Variants in CPAP observed in about 807,000 individuals in gnomAD.
The protein encoded by CPAP is centrosome assembly and centriole elongation protein, also known as centrosomal P4.1-associated protein.
chr13:24,913,118 G>T, the CPAP span: 2 of 1,114,196 alleles, frequency 1.8e-6, no homozygotes, highest in Non-Finnish European at 2.7e-6. Flanking sequence ...CCAACAAAAT[G>T]TATTAGGTAA....
chr13:24,921,835 C>A, the CPAP span, among the ~76,000 whole-genome samples: 1 of 152,102 alleles, frequency 6.6e-6, no homozygotes, highest in African/African-American at 2.4e-5. Context: ...CAACTCCCCA[C>A]CAAACACACC....
the CPAP span, chr13:24,882,776 A>T: frequency 5.2e-6 from 1 of 191,566 alleles, no homozygotes; most frequent in African/African-American, 2.4e-5. Context: ...CTACAGAGAC[A>T]CGTGTTTACT....
At chr13:24,930,231 T>A in the CPAP span, among the ~76,000 whole-genome samples, 1 of 152,174 alleles carries the variant, frequency 6.6e-6, no homozygotes, top group Non-Finnish European at 1.5e-5. Context: ...CTATACAATT[T>A]TTTTGGTTCT....
chr13:24,883,899 T>A, the CPAP span: 1 of 1,608,348 alleles, frequency 6.2e-7, no homozygotes, highest in African/African-American at 1.3e-5. Flanking sequence ...CTGGGGCACC[T>A]TCTGAGCACA....
chr13:24,882,765 G>A, the CPAP span: 2 of 186,470 alleles, frequency 1.1e-5, no homozygotes, highest in Non-Finnish European at 2.2e-5. Context: ...TAATATTTTG[G>A]CTACAGAGAC....
chr13:24,884,941 C>T, the CPAP span, among the ~76,000 whole-genome samples: 1 of 152,172 alleles, frequency 6.6e-6, no homozygotes, highest in Non-Finnish European at 1.5e-5. Flanking sequence ...GCAGTTTTCC[C>T]ACTAAGAAAC....
the CPAP span, among the ~76,000 whole-genome samples, chr13:24,932,058 C>T: frequency 0.012 from 1,769 of 152,298 alleles, 42 homozygotes; most frequent in African/African-American, 0.039. Flanking sequence ...AGGGACGCTG[C>T]GCTCTCCGAG....
chr13:24,886,461 A>G, the CPAP span: 5 of 713,704 alleles, frequency 7.0e-6, no homozygotes, highest in African/African-American at 7.3e-5. Flanking sequence ...CACATCAGCA[A>G]TTTCATATGA....
the CPAP span, among the ~76,000 whole-genome samples, chr13:24,913,805 T>C: frequency 3.9e-5 from 6 of 152,264 alleles, no homozygotes; most frequent in Admixed American, 2.0e-4. Flanking sequence ...GAAAATTACA[T>C]TGGCTCATGC....
chr13:24,883,397 C>A, the CPAP span: 2 of 1,491,438 alleles, frequency 1.3e-6, no homozygotes. Context: ...AATATGATTT[C>A]TTAAAAAAAA....
At chr13:24,906,551 G>A in the CPAP span, 2 of 1,614,204 alleles carry the variant, frequency 1.2e-6, no homozygotes, top group Non-Finnish European at 1.7e-6. Context: ...ATTATTAGAT[G>A]TGACTTTGTT....
At chr13:24,920,725 A>G in the CPAP span, among the ~76,000 whole-genome samples, 20 of 148,058 alleles carry the variant, frequency 1.4e-4, no homozygotes, top group Non-Finnish European at 2.5e-4. Flanking sequence ...GGTTCAAGCG[A>G]TTCACCCACC....
chr13:24,914,342 T>C, the CPAP span, among the ~76,000 whole-genome samples: 87 of 152,190 alleles, frequency 5.7e-4, no homozygotes, highest in African/African-American at 2.0e-3. Context: ...CACCATTACC[T>C]ACCTATTTAA....
the CPAP span, chr13:24,883,221 C>G: frequency 1.2e-6 from 2 of 1,614,092 alleles, no homozygotes; most frequent in African/African-American, 1.3e-5. Flanking sequence ...TTGTCCTTAA[C>G]TCTTATCCGA....
the CPAP span, among the ~76,000 whole-genome samples, chr13:24,889,953 T>C: frequency 1.3e-5 from 2 of 152,078 alleles, no homozygotes; most frequent in Admixed American, 1.3e-4. Context: ...CTTGGTGTCC[T>C]ACCTCAGCTC....
At chr13:24,924,708 G>A in the CPAP span, 2 of 152,254 alleles carry the variant, frequency 1.3e-5, no homozygotes, top group African/African-American at 2.4e-5. Flanking sequence ...CAGATTACCC[G>A]TTCTGATACA....
the CPAP span, chr13:24,892,506 G>A: frequency 1.4e-6 from 1 of 715,796 alleles, no homozygotes; most frequent in South Asian, 1.6e-5. Flanking sequence ...GATGGAAACT[G>A]TCCACATTCA....
chr13:24,922,990 G>C, the CPAP span: 1 of 152,344 alleles, frequency 6.6e-6, no homozygotes, highest in Non-Finnish European at 1.5e-5. Context: ...TGCCCGGCGG[G>C]GGATGGACTG....
At chr13:24,899,823 T>C in the CPAP span, among the ~76,000 whole-genome samples, 3 of 152,088 alleles carry the variant, frequency 2.0e-5, no homozygotes, top group Non-Finnish European at 4.4e-5. Flanking sequence ...ACAAACATTC[T>C]AGCTGGGCAC....
Sources: allele counts gnomAD v4.1 joint callset (sites outside exome capture counted in the v4.1 genomes callset), GRCh38; gene constraint gnomAD v4.1.1; transcripts MANE v1.5; gene names NCBI Gene and HGNC (gene_info 2026-07-23, HGNC 2026-07-21).